Variants in MEN1 observed in about 807,000 individuals in gnomAD.
MEN1 encodes the protein menin 1, also known as menin.
MEN1 carries 6 observed loss-of-function variants against 58.0 expected under a neutral mutation model. The ratio of observed to expected loss-of-function variants is 0.10; its 90% CI spans 0.06 to 0.20. MEN1 has a LOEUF of 0.20. MEN1 is among the 10% of genes least tolerant of loss of function. MEN1 has a pLI of 1.00. For missense variants in MEN1, 492 were observed against 818.5 expected (o/e 0.60, Z 4.87); for synonymous variants, 346 against 350.7 (o/e 0.99, Z 0.15).
Position 64,804,895 on chromosome 11 carries a change from C to T in MEN1, c.1351-79G>A. On this transcript the variant is annotated intron_variant, in intron 9 of 9. Transcript: ENST00000450708. This position sits in a 1 kb window ranked among gnomAD's most constrained non-coding sequence, Gnocchi z 4.2. ...ACTCCAGGACCCTGCTCTGGCCATC[C>T]CATCCCACCCAGGGGGTCTCAGTCC... 6.3e-7 allele frequency: 1 copy of T among 1,595,904 alleles called. No homozygotes were observed. The highest frequency in any genetic ancestry group is 1.8e-4 in the Middle Eastern group (1 of 5,522).
intron 7 of MEN1, 76 bp downstream of exon 7, chr11:64,806,156 T>G: frequency 6.3e-7 from 1 of 1,586,268 alleles, no homozygotes; most frequent in Non-Finnish European, 8.6e-7. Context: ...CAGGCCTCAG[T>G]CCTGGACGAG....
intron 2 of MEN1, 137 bp from the exon 3 acceptor site, chr11:64,808,236 T>G: frequency 1.3e-6 from 1 of 756,418 alleles, no homozygotes. Context: ...CTGCCCACTA[T>G]CCCTCCATCC....
chr11:64,805,719 T>C lies in MEN1; in HGVS notation c.1101A>G (p.Val367=). 6.2e-7 allele frequency: 1 copy of C among 1,614,226 alleles called. No individual in the cohort carries two copies. Among genetic ancestry groups the C allele is most frequent in the Non-Finnish European group, 8.5e-7 (1 of 1,180,016 alleles). The change falls in exon 8 of 10, where the codon GTA becomes GTG. Residue 367 remains valine, a synonymous_variant. Transcript: ENST00000450708. ...DEEIYKEFFE[V]ANDVIPNLLK... is the part of the protein sequence containing the mutation. ...GCAGGTTGGGGATGACATCATTGGC[T>C]ACTTCAAAGAACTCCTTGTAGATCT...
chr11:64,808,906 G>A (rs540613850), intron 2 of MEN1, among the ~76,000 whole-genome samples: 1 of 149,654 alleles, frequency 6.7e-6, no homozygotes, highest in South Asian at 2.1e-4. Flanking sequence ...AGTGAGCCGA[G>A]ATTGCACCAC....
chr11:64,804,620 CG>C lies in MEN1; in HGVS notation c.1546del (p.Arg516GlyfsTer43), dbSNP rs767319284. ...GCCAGCGACAGTCCCAGGAGGCTTCCGGGGGGGTCCTGACACTGCACCCTGG... is the reference window on the plus strand; with the variant it reads ...GCCAGCGACAGTCCCAGGAGGCTTCCGGGGGGTCCTGACACTGCACCCTGG... ...TGQGAVSGPP[R>X]KPPGTVAGTA... On this transcript the variant is annotated frameshift_variant, in exon 10 of 10. Coordinates refer to ENST00000450708, the MANE Select transcript of MEN1 (RefSeq NM_001370259.2). LOFTEE classifies it high-confidence loss of function. The surrounding 1 kb of genome is among the most constrained non-coding windows in gnomAD (Gnocchi z 4.2). The C allele has an allele frequency of 4.4e-6, 7 of 1,607,750 alleles. No individual in the cohort carries two copies. The highest frequency in any genetic ancestry group is 1.1e-5 in the South Asian group (1 of 90,924).
rs911148642 is a variant in MEN1 at position 64,803,927 on chromosome 11, G to A, written c.*407C>T. On this transcript the variant is annotated 3_prime_UTR_variant, in exon 10 of 10. Coordinates refer to ENST00000450708, the MANE Select transcript of MEN1 (RefSeq NM_001370259.2). ...AGTGGTCCTAGGCTCCCGGGCTGGA[G>A]GTGGGACCTGTGCTCCTTGGGTTAA... The A allele has an allele frequency of 7.9e-5, 27 of 343,136 alleles. No individual in the cohort carries two copies. Among genetic ancestry groups the A allele is most frequent in the Non-Finnish European group, 1.3e-4 (24 of 182,290 alleles). The allele number at this position is 343,136 out of a possible 1,614,324, so 21.3% of individuals were successfully genotyped here. A position where few individuals can be genotyped will look rare whatever the true frequency, so the allele number is the denominator to read the frequency against.
In MEN1 at chr11:64,807,687, G is replaced by A. The variant is rs771297371; in HGVS notation, c.655-7C>T. 4.3e-6 allele frequency: 7 copies of A among 1,613,994 alleles called. No homozygotes were observed. Among genetic ancestry groups the A allele is most frequent in the African/African-American group, 2.7e-5 (2 of 74,924 alleles). ...CTTTCAGGTACAGCCAGCTCTTAGG[G>A]GGGGATGAGATCATTATGTCTCATG... On this transcript the variant is annotated splice_region_variant and splice_polypyrimidine_tract_variant and intron_variant, in intron 3 of 9. Transcript: ENST00000450708. The surrounding 1 kb of genome is among the most constrained non-coding windows in gnomAD (Gnocchi z 4.9).
intron 2 of MEN1, among the ~76,000 whole-genome samples, chr11:64,808,903 C>T (rs1592654592): frequency 6.6e-6 from 1 of 150,738 alleles, no homozygotes; most frequent in Non-Finnish European, 1.5e-5. Context: ...TGCAGTGAGC[C>T]GAGATTGCAC....
At chr11:64,808,809 A>G (rs1165785960) in intron 2 of MEN1, among the ~76,000 whole-genome samples, 2 of 152,124 alleles carry the variant, frequency 1.3e-5, no homozygotes, top group African/African-American at 4.8e-5. Context: ...TTAGCCAGGC[A>G]TGGTGGCAGG....
In MEN1 at chr11:64,809,921, G is replaced by C. The variant is rs137880635; in HGVS notation, c.189C>G (p.Phe63Leu). The change falls in exon 2 of 10, where the codon TTC (phenylalanine) becomes TTG (leucine). Residue 63 changes from phenylalanine (F) to leucine (L), a missense_variant. Physicochemically the swap from Phe to Leu is conservative, Grantham distance 22 (BLOSUM62 0). Coordinates refer to ENST00000450708, the MANE Select transcript of MEN1 (RefSeq NM_001370259.2). ...GCGGGTCGGGGGCGGGGCTGGGCTG[G>C]AAGGTGAGCTCGGGAACGTTGGTAG... The part of the protein sequence containing the change: ...VIPTNVPELT[F>L]QPSPAPDPPG... 6.9e-6 allele frequency: 11 copies of C among 1,586,278 alleles called. No individual in the cohort carries two copies. Among genetic ancestry groups the C allele is most frequent in the Non-Finnish European group, 9.4e-6 (11 of 1,166,324 alleles).
chr11:64,806,122 G>A, intron 7 of MEN1, 110 bp downstream of exon 7: 1 of 1,452,718 alleles, frequency 6.9e-7, no homozygotes. Context: ...GGGACTGGAT[G>A]GAAAGGGGAT....
At chr11:64,805,586 C>T in intron 8 of MEN1, 49 bp downstream of exon 8, 1 of 1,608,300 alleles carries the variant, frequency 6.2e-7, no homozygotes, top group South Asian at 1.1e-5. Flanking sequence ...TGGAAGGGAG[C>T]CCTGTCCAGG....
chr11:64,804,177 C>T lies in MEN1; in HGVS notation c.*157G>A, dbSNP rs1054765306. 124 of 895,576 alleles carry T rather than the reference C, an allele frequency of 1.4e-4. 1 individual carries two copies. The highest frequency in any genetic ancestry group is 9.9e-4 in the Middle Eastern group (3 of 3,032). 55.5% of individuals were successfully genotyped at this position (895,576 alleles called of 1,614,324 possible). A position where few individuals can be genotyped will look rare whatever the true frequency, so the allele number is the denominator to read the frequency against. On this transcript the variant is annotated 3_prime_UTR_variant, in exon 10 of 10. Transcript: ENST00000450708. The surrounding 1 kb of genome is among the most constrained non-coding windows in gnomAD (Gnocchi z 4.2). The stretch of plus-strand genomic sequence containing the variant: ...CCCTGGGTTCTGAGCTGGAGAAAAT[C>T]GTGGGTTTGATACAGACTGTACTCG...
intron 2 of MEN1, among the ~76,000 whole-genome samples, 194 bp from the exon 3 acceptor site, chr11:64,808,293 A>G (rs1941888906): frequency 6.6e-6 from 1 of 152,026 alleles, no homozygotes; most frequent in African/African-American, 2.4e-5. Context: ...TACACCCTCT[A>G]TGTCCAACAA....
chr11:64,807,556 T>G lies in MEN1; in HGVS notation c.779A>C (p.Gln260Pro). 6.2e-7 allele frequency: 1 copy of G among 1,614,114 alleles called. No homozygotes were observed. Among genetic ancestry groups the G allele is most frequent in the Non-Finnish European group, 8.5e-7 (1 of 1,180,032 alleles). ...CCCCATTGGCTCAGCCCTCACCTGC[T>G]GCAGCTGCAGAAGCTCCAGCGAGTC... Reference protein sequence around the residue: ...HTDSLELLQLQQKLLWLLYDL... With the variant: ...HTDSLELLQLPQKLLWLLYDL... The change falls in exon 4 of 10, where the codon CAG (glutamine) becomes CCG (proline). Residue 260 changes from glutamine to proline, a missense_variant. Gln to Pro is a moderately conservative substitution (Grantham distance 76). Around this residue, in one of 5 missense-constraint regions of MEN1, gnomAD observed 335 missense variants for 550.3 expected, o/e 0.61. Coordinates refer to ENST00000450708, the MANE Select transcript of MEN1 (RefSeq NM_001370259.2). The surrounding 1 kb of genome is among the most constrained non-coding windows in gnomAD (Gnocchi z 4.9).
In MEN1 at chr11:64,805,658, C is replaced by G. The variant is rs763740854; in HGVS notation, c.1162G>C (p.Glu388Gln). 1.2e-6 allele frequency: 2 copies of G among 1,614,124 alleles called. No individual in the cohort carries two copies. The highest frequency in any genetic ancestry group is 2.2e-5 in the South Asian group (2 of 91,086). Residue 388 changes from glutamate to glutamine, a missense_variant, in exon 8 of 10, where the codon GAG becomes CAG. By Grantham distance (29) the Glu-to-Gln change is conservative. Transcript: ENST00000450708. Reference sequence around the variant, plus strand: ...ACCTGGCTTTGCTCCCCCGGCCGCTCCTCGCCCGCCTCCAGCAAGCTGGCT... The same window carrying G: ...ACCTGGCTTTGCTCCCCCGGCCGCTGCTCGCCCGCCTCCAGCAAGCTGGCT... Reference protein sequence around the residue: ...EAASLLEAGEERPGEQSQGTQ... With the variant: ...EAASLLEAGEQRPGEQSQGTQ...
intron 7 of MEN1, 44 bp downstream of exon 7, chr11:64,806,188 G>T (rs1941709554): frequency 1.2e-6 from 2 of 1,612,190 alleles, no homozygotes; most frequent in South Asian, 1.1e-5. Context: ...ACTGATGGAG[G>T]GGAAGAAAGG....
Position 64,804,768 on chromosome 11 carries a change from C to T in MEN1, c.1399G>A (p.Ala467Thr), listed in dbSNP as rs779589005. 6.3e-6 allele frequency: 10 copies of T among 1,596,488 alleles called. No individual in the cohort carries two copies. The African/African-American group carries it at 8.0e-5, about 13-fold the overall frequency. Residue 467 changes from alanine to threonine, a missense_variant, in exon 10 of 10, where the codon GCC (alanine) becomes ACC (threonine). Ala to Thr is a moderately conservative substitution (Grantham distance 58). Transcript: ENST00000450708. The surrounding 1 kb of genome is among the most constrained non-coding windows in gnomAD (Gnocchi z 4.2). ...GCTTCCTCGCCCCACGGCTCCTCGG[C>T]CTCGGCCGCCTCGGCCTCTCGGCTC... is the stretch of plus-strand genomic sequence containing the variant. Reference protein sequence around the residue: ...IVSREAEAAEAEEPWGEEARE... With the variant: ...IVSREAEAAETEEPWGEEARE...
At chr11:64,811,247 C>T (rs549581127), upstream of MEN1, 7 of 150,236 alleles carry the variant, frequency 4.7e-5, no homozygotes, top group Non-Finnish European at 8.8e-5. Context: ...CAGGCGTGCG[C>T]CACCACTCCC....
Sources: gnomAD v4.1 joint callset for allele counts (sites outside exome capture counted in the v4.1 genomes callset) on GRCh38, gnomAD v4.1.1 for gene constraint, gnomAD v4.1.1 regional missense constraint, Gnocchi (gnomAD v3.1) non-coding constraint, MANE v1.5 for transcripts, NCBI Gene and HGNC (gene_info 2026-07-23, HGNC 2026-07-21) for gene names.